The following CHM variants were observed in gnomAD, a reference collection of about 807,000 sequenced individuals.
CHM encodes the protein rab proteins geranylgeranyltransferase component A 1.
CHM carries 10 observed loss-of-function variants against 49.0 expected under a neutral mutation model. The observed-to-expected ratio is 0.20, with a 90% confidence interval of 0.13 to 0.35. CHM has a LOEUF of 0.35. Ranked by LOEUF, CHM falls within the 10% of genes least tolerant of loss-of-function variation. CHM has a pLI of 1.00. For missense variants in CHM, 455 were observed against 478.4 expected (o/e 0.95, Z 0.46); for synonymous variants, 184 against 167.5 (o/e 1.10, Z -0.76).
At chrX:86,027,610 C>A in intron 1 of CHM, 53 bp from the exon 2 acceptor site, 2 of 1,050,763 alleles carry the variant, frequency 1.9e-6, no homozygotes, top group Non-Finnish European at 2.7e-6. Context: ...ATATATTTTA[C>A]ATAAAATGTT....
intron 2 of CHM, among the ~76,000 whole-genome samples, chrX:86,013,024 T>A (rs142241512): frequency 9.4e-4 from 105 of 111,693 alleles, no homozygotes; most frequent in African/African-American, 2.9e-3. Flanking sequence ...TATGCCCAAC[T>A]TTGAGTGGTG....
chrX:85,898,499 A>G (rs1052350394), intron 11 of CHM, among the ~76,000 whole-genome samples: 1 of 111,219 alleles, frequency 9.0e-6, no homozygotes, highest in Non-Finnish European at 1.9e-5. Flanking sequence ...AATATATACT[A>G]ATCTTTTAAA....
At chrX:85,969,112 CT>C (rs1435150016) in intron 4 of CHM, 2 of 695,622 alleles carry the variant, frequency 2.9e-6, no homozygotes, top group Non-Finnish European at 3.4e-6. Context: ...GCAAAAAAAT[CT>C]TTATTTTTGG....
intron 2 of CHM, among the ~76,000 whole-genome samples, chrX:86,015,386 C>T (rs923568160): frequency 8.9e-6 from 1 of 111,941 alleles, no homozygotes; most frequent in Non-Finnish European, 1.9e-5. Flanking sequence ...TCCAATTAAA[C>T]ATCTTTTTCA....
In CHM at chrX:86,047,547, T is replaced by C. The variant is rs758373152; in HGVS notation, c.-15A>G. Reference sequence around the variant, plus strand: ...GTATCCGCCATCTTGACGGGAAACGTGTCATGTGACTATTACTTGTGGAAA... The same window carrying C: ...GTATCCGCCATCTTGACGGGAAACGCGTCATGTGACTATTACTTGTGGAAA... On this transcript the variant is annotated 5_prime_UTR_variant, in exon 1 of 15. Coordinates refer to ENST00000357749, the MANE Select transcript of CHM (RefSeq NM_000390.4). 27 of 1,193,742 alleles carry C rather than the reference T, an allele frequency of 2.3e-5. No homozygotes were observed. Among genetic ancestry groups the C allele is most frequent in the Non-Finnish European group, 2.7e-5 (24 of 883,263 alleles).
At chrX:85,894,837 T>G (rs1470526995) in intron 11 of CHM, among the ~76,000 whole-genome samples, 1 of 111,853 alleles carries the variant, frequency 8.9e-6, no homozygotes, top group African/African-American at 3.2e-5. Context: ...CAGACCATAT[T>G]AAATCAATCT....
In CHM at chrX:85,894,262, G is replaced by A. The variant is rs1925674876; in HGVS notation, c.1436C>T (p.Ala479Val). 1 of 1,208,252 alleles carries A rather than the reference G, an allele frequency of 8.3e-7. No homozygotes were observed. Among genetic ancestry groups the A allele is most frequent in the Non-Finnish European group, 1.1e-6 (1 of 892,800 alleles). Residue 479 changes from alanine to valine, a missense_variant, in exon 12 of 15, where the codon GCA becomes GTA. By Grantham distance (64) the Ala-to-Val change is moderately conservative. Coordinates refer to ENST00000357749, the MANE Select transcript of CHM (RefSeq NM_000390.4). ...DQQISILTVP[A>V]EEPGTFAVRV... ...AACAGCAAAAGTTCCTGGTTCCTCT[G>A]CTGGCACTGTCAAAATGGAAATCTA...
chrX:85,890,439 G>A (rs887007975), intron 12 of CHM, among the ~76,000 whole-genome samples: 1 of 111,802 alleles, frequency 8.9e-6, no homozygotes. Flanking sequence ...GTATCTCCCA[G>A]AATTCCCATG....
chrX:85,929,128 A>G (rs1196564313), intron 8 of CHM, among the ~76,000 whole-genome samples: 1 of 111,870 alleles, frequency 8.9e-6, no homozygotes, highest in Non-Finnish European at 1.9e-5. Context: ...TACATCAAAA[A>G]AGCAAGCAGC....
At chrX:86,013,746 G>GAAAAAAAA (rs765088965) in intron 2 of CHM, among the ~76,000 whole-genome samples, 1 of 80,492 alleles carries the variant, frequency 1.2e-5, no homozygotes, top group Non-Finnish European at 2.8e-5. Flanking sequence ...AAAAAAAAAA[G>GAAAAAAAA]AAAAGAAAAA....
chrX:85,899,245 T>C (rs1230797844), intron 11 of CHM, among the ~76,000 whole-genome samples: 1 of 111,274 alleles, frequency 9.0e-6, no homozygotes, highest in East Asian at 2.8e-4. Context: ...CATTCCTCTA[T>C]GGAACTGGGG....
At chrX:86,039,621 C>A (rs1021349111) in intron 1 of CHM, among the ~76,000 whole-genome samples, 32 of 109,922 alleles carry the variant, frequency 2.9e-4, no homozygotes, top group Non-Finnish European at 5.5e-4. Context: ...GGGCAGGTCC[C>A]TGAGAAAACC....
At chrX:85,951,225 T>C (rs1209371136) in intron 8 of CHM, among the ~76,000 whole-genome samples, 1 of 111,480 alleles carries the variant, frequency 9.0e-6, no homozygotes, top group African/African-American at 3.3e-5. Flanking sequence ...AGAGATGATC[T>C]AAATATAATC....
At position 85,926,258 on chromosome X, in the gene CHM, A is replaced by C. The variant is rs183927286; in HGVS notation, c.1167-14920T>G. On this transcript the variant is annotated intron_variant, in intron 8 of 14. Transcript: ENST00000357749. ...TTAAACTAGATCTTTATGCATGACT[A>C]AACATTATTCCCAACCCCATGGTGG... 5.7e-3 allele frequency among the ~76,000 whole-genome samples: 637 copies of C among 111,886 alleles called. 2 individuals are homozygous for C. Among genetic ancestry groups the C allele is most frequent in the Middle Eastern group, 0.014 (3 of 218 alleles).
intron 8 of CHM, among the ~76,000 whole-genome samples, chrX:85,922,677 C>T (rs1457988444): frequency 8.9e-6 from 1 of 112,322 alleles, no homozygotes; most frequent in East Asian, 2.8e-4. Context: ...GTATCACTTT[C>T]ATACCATTTT....
intron 2 of CHM, among the ~76,000 whole-genome samples, chrX:85,988,128 A>G (rs182202349): frequency 8.9e-6 from 1 of 112,301 alleles, no homozygotes; most frequent in Admixed American, 9.4e-5. Context: ...TGCAAACGGA[A>G]TCCAGCAGCA....
intron 2 of CHM, among the ~76,000 whole-genome samples, chrX:86,020,679 G>A (rs1453434014): frequency 3.9e-5 from 4 of 102,940 alleles, no homozygotes; most frequent in Admixed American, 1.1e-4. Context: ...ATATATCTCC[G>A]ATATATACAT....
intron 1 of CHM, among the ~76,000 whole-genome samples, chrX:86,045,607 G>T (rs1315559622): frequency 9.0e-6 from 1 of 111,642 alleles, no homozygotes; most frequent in Non-Finnish European, 1.9e-5. Flanking sequence ...GTCACCTGAT[G>T]CAATTCTCTG....
At chrX:85,981,525 C>T (rs1440251065) in intron 3 of CHM, among the ~76,000 whole-genome samples, 5 of 111,001 alleles carry the variant, frequency 4.5e-5, no homozygotes, top group Non-Finnish European at 9.4e-5. Flanking sequence ...TGAGCCATCG[C>T]ACCCGAGCTC....
Sources: gnomAD v4.1 joint callset for allele counts (sites outside exome capture counted in the v4.1 genomes callset) on GRCh38, gnomAD v4.1.1 for gene constraint, MANE v1.5 for transcripts, NCBI Gene and HGNC (gene_info 2026-07-23, HGNC 2026-07-21) for gene names.